Variants in FARSB observed in about 807,000 individuals in gnomAD.
The protein encoded by FARSB is phenylalanyl-tRNA synthetase subunit beta, also known as phenylalanine--tRNA ligase beta subunit.
Under a neutral mutation model 69.6 loss-of-function variants are expected in FARSB, and 40 were observed. The ratio of observed to expected loss-of-function variants is 0.57; its 90% CI spans 0.45 to 0.75. The LOEUF (loss-of-function observed/expected upper bound fraction) is 0.75. Ranked by LOEUF, FARSB falls within the 30% of genes least tolerant of loss-of-function variation. The pLI is 0.00. For synonymous variants in FARSB, 235 were observed against 247.2 expected (o/e 0.95, Z 0.46); for missense variants, 632 against 722.9 (o/e 0.87, Z 1.44).
In FARSB at chr2:222,599,950, T is replaced by C. The variant is rs752222330; in HGVS notation, c.1596A>G (p.Gly532=). The part of the protein sequence containing the change: ...LDVPPGEDKG[G]YVIKASEGPA... Reference sequence around the variant, plus strand: ...TACCTTCTGATGCTTTGATCACATATCCCCCCTTGTCTTCACCAGGAGGCA... The same window carrying C: ...TACCTTCTGATGCTTTGATCACATACCCCCCCTTGTCTTCACCAGGAGGCA... Residue 532 remains glycine, a synonymous_variant, in exon 16 of 17, where the codon GGA becomes GGG. Coordinates refer to ENST00000281828, the MANE Select transcript of FARSB (RefSeq NM_005687.5). The C allele has an allele frequency of 6.2e-7, 1 of 1,601,248 alleles. No homozygotes were observed. The highest frequency in any genetic ancestry group is 8.5e-7 in the Non-Finnish European group (1 of 1,177,010).
At position 222,627,359 on chromosome 2, in the gene FARSB, C is replaced by T. The variant is rs936500183; in HGVS notation, c.900+1478G>A. The stretch of plus-strand genomic sequence containing the variant: ...GCAACCAACCCCAAGTCAAAAAGCC[C>T]AAGCTAGCCTGCTATATGATGAGGG... On this transcript the variant is annotated intron_variant, in intron 10 of 16. Transcript: ENST00000281828. Among the ~76,000 whole-genome samples the T allele has an allele frequency of 2.6e-5, 4 of 152,194 alleles. No individual in the cohort carries two copies. In the South Asian group the frequency reaches 8.3e-4, roughly 31 times the overall value.
intron 16 of FARSB, among the ~76,000 whole-genome samples, chr2:222,588,291 C>A (rs1690174777): frequency 6.6e-6 from 1 of 152,112 alleles, no homozygotes; most frequent in African/African-American, 2.4e-5. Context: ...GCAGAAAAGG[C>A]CTTTGACAAA....
intron 16 of FARSB, among the ~76,000 whole-genome samples, chr2:222,572,900 C>G (rs368507171): frequency 2.0e-5 from 3 of 152,212 alleles, no homozygotes; most frequent in East Asian, 3.8e-4. Context: ...AATATGCTGA[C>G]TCACTGCTCT....
intron 1 of FARSB, among the ~76,000 whole-genome samples, chr2:222,649,721 G>C (rs1269717164): frequency 3.9e-5 from 6 of 152,196 alleles, no homozygotes; most frequent in Admixed American, 3.9e-4. Context: ...GAGACACAGT[G>C]AGTCTACAAT....
intron 10 of FARSB, among the ~76,000 whole-genome samples, chr2:222,627,295 C>T (rs148740251): frequency 8.9e-4 from 136 of 152,316 alleles, no homozygotes; most frequent in African/African-American, 3.0e-3. Flanking sequence ...TTGAAAAATG[C>T]CTGGGCACTG....
intron 13 of FARSB, among the ~76,000 whole-genome samples, chr2:222,622,850 C>T (rs898359287): frequency 3.3e-5 from 5 of 152,158 alleles, no homozygotes; most frequent in Admixed American, 6.6e-5. Flanking sequence ...ATAATAAATG[C>T]TCAACAAATG....
intron 1 of FARSB, among the ~76,000 whole-genome samples, chr2:222,652,558 CAT>C (rs566981965): frequency 1.3e-5 from 2 of 152,194 alleles, no homozygotes; most frequent in African/African-American, 2.4e-5. Flanking sequence ...AACAAGCTAA[CAT>C]GTGCTAAGTA....
At chr2:222,589,961 T>C (rs1413281053) in intron 16 of FARSB, among the ~76,000 whole-genome samples, 1 of 152,212 alleles carries the variant, frequency 6.6e-6, no homozygotes, top group Admixed American at 6.5e-5. Flanking sequence ...GTGTGGCGAT[T>C]CCTGAGGGAT....
At chr2:222,636,625 T>C (rs1424564203) in intron 5 of FARSB, among the ~76,000 whole-genome samples, 1 of 152,090 alleles carries the variant, frequency 6.6e-6, no homozygotes, top group Non-Finnish European at 1.5e-5. Flanking sequence ...AAACTAAAAA[T>C]ATTCAGAAAT....
At chr2:222,602,290 G>C (rs866507944) in intron 15 of FARSB, among the ~76,000 whole-genome samples, 1 of 152,044 alleles carries the variant, frequency 6.6e-6, no homozygotes, top group Non-Finnish European at 1.5e-5. Flanking sequence ...TGATCTTGTA[G>C]TGATAATTAT....
chr2:222,621,715 T>C (rs566173811), intron 13 of FARSB, among the ~76,000 whole-genome samples: 1 of 152,344 alleles, frequency 6.6e-6, no homozygotes, highest in Non-Finnish European at 1.5e-5. Flanking sequence ...ATCAATATGA[T>C]GAAGTGTGAA....
At chr2:222,630,308 G>C (rs761107571) in intron 8 of FARSB, 134 bp from the exon 9 acceptor site, 39 of 527,118 alleles carry the variant, frequency 7.4e-5, no homozygotes, top group Non-Finnish European at 1.2e-4. Flanking sequence ...AAGAAAGGAA[G>C]TGGAATAAAA....
chr2:222,577,303 A>G (rs571729542), intron 16 of FARSB, among the ~76,000 whole-genome samples: 17 of 152,322 alleles, frequency 1.1e-4, no homozygotes, highest in Non-Finnish European at 1.8e-4. Flanking sequence ...TTGAAGTGAA[A>G]TATTTATGGT....
intron 13 of FARSB, among the ~76,000 whole-genome samples, chr2:222,623,430 T>C (rs987989058): frequency 1.3e-5 from 2 of 152,200 alleles, no homozygotes; most frequent in Non-Finnish European, 2.9e-5. Flanking sequence ...ATTTGAGGTA[T>C]TTTTTTCTAG....
At chr2:222,577,341 T>TA (rs1364027954) in intron 16 of FARSB, among the ~76,000 whole-genome samples, 1 of 152,218 alleles carries the variant, frequency 6.6e-6, no homozygotes, top group East Asian at 1.9e-4. Flanking sequence ...AGAGGGGACC[T>TA]AATCCCTTGA....
chr2:222,619,890 GTAA>G (rs757622486), intron 13 of FARSB, among the ~76,000 whole-genome samples, 153 bp from the exon 14 acceptor site: 3 of 151,906 alleles, frequency 2.0e-5, no homozygotes, highest in Non-Finnish European at 2.9e-5. Context: ...TGAAGTAAAT[GTAA>G]TAATAATAAT....
At chr2:222,627,394 T>C (rs1454429423) in intron 10 of FARSB, among the ~76,000 whole-genome samples, 1 of 152,094 alleles carries the variant, frequency 6.6e-6, no homozygotes, top group Non-Finnish European at 1.5e-5. Flanking sequence ...GACATGTGAG[T>C]TGTTGACCCC....
chr2:222,631,747 A>G, intron 7 of FARSB, 73 bp from the exon 8 acceptor site: 1 of 853,090 alleles, frequency 1.2e-6, no homozygotes, highest in Non-Finnish European at 2.0e-6. Flanking sequence ...AAGCTCAACA[A>G]AACAGAAACT....
At chr2:222,630,082 G>C in intron 9 of FARSB, 31 bp downstream of exon 9, 1 of 1,327,236 alleles carries the variant, frequency 7.5e-7, no homozygotes, top group Non-Finnish European at 1.1e-6. Context: ...CAGAACAATG[G>C]GCCATCAATA....
Sources: allele counts gnomAD v4.1 joint callset (sites outside exome capture counted in the v4.1 genomes callset), GRCh38; gene constraint gnomAD v4.1.1; transcripts MANE v1.5; gene names NCBI Gene and HGNC (gene_info 2026-07-23, HGNC 2026-07-21).